The following LMO7 variants were observed in gnomAD, a reference collection of about 807,000 sequenced individuals.
LMO7 encodes LIM domain 7.
LMO7 carries 120 observed loss-of-function variants against 206.5 expected under a neutral mutation model. The ratio of observed to expected loss-of-function variants is 0.58; its 90% CI spans 0.50 to 0.68. LMO7 has a LOEUF of 0.68. LMO7 is among the 30% of genes least tolerant of loss of function. The pLI is 0.00. For synonymous variants in LMO7, 706 were observed against 681.5 expected, an observed-to-expected ratio of 1.04 and a Z score of -0.56; for missense variants, 1,959 against 1,957.9, an observed-to-expected ratio of 1.00 and a Z score of -0.01.
rs1407239547 is a variant in LMO7 at position 75,823,576 on chromosome 13, T to C, written c.2652T>C (p.Ala884=). The C allele has an allele frequency of 6.2e-7, 1 of 1,606,814 alleles. No individual in the cohort carries two copies. Among genetic ancestry groups the C allele is most frequent in the East Asian group, 2.2e-5 (1 of 44,730 alleles). ...GTTTTCTTATTTAGATGGATGATGC[T>C]TGGAAGTATAATGGAGATGTTGAAG... ...SLPRSYTMDD[A]WKYNGDVEDI... The change falls in exon 15 of 31, where the codon GCT becomes GCC. Residue 884 remains alanine (A), a synonymous_variant. Coordinates refer to ENST00000377534, the MANE Select transcript of LMO7 (RefSeq NM_001306080.2).
At chr13:75,786,547 T>G (rs1043215780) in intron 4 of LMO7, among the ~76,000 whole-genome samples, 17 of 151,816 alleles carry the variant, frequency 1.1e-4, no homozygotes, top group South Asian at 4.2e-4. Context: ...GCTAATTTTT[T>G]TTTGTTTGTT....
intron 1 of LMO7, among the ~76,000 whole-genome samples, chr13:75,643,388 G>A (rs191006309): frequency 5.3e-5 from 8 of 152,308 alleles, no homozygotes; most frequent in South Asian, 4.1e-4. Flanking sequence ...AGGTGAACTC[G>A]TTCTTCTAGT....
chr13:75,627,390 A>C (rs537954716), intron 2 of LMO7: 4 of 152,328 alleles, frequency 2.6e-5, no homozygotes, highest in Admixed American at 1.3e-4. Context: ...TTAAATACTT[A>C]ACAATATTTT....
At chr13:75,755,634 T>C (rs1041853251) in intron 3 of LMO7, among the ~76,000 whole-genome samples, 9 of 152,210 alleles carry the variant, frequency 5.9e-5, no homozygotes, top group African/African-American at 1.9e-4. Flanking sequence ...CAAACCTAAC[T>C]TACTACTAGC....
chr13:75,745,627 T>A (rs1053376999), intron 3 of LMO7, among the ~76,000 whole-genome samples: 2 of 152,138 alleles, frequency 1.3e-5, no homozygotes, highest in African/African-American at 4.8e-5. Flanking sequence ...TGTTATTGTA[T>A]GAGATTAACA....
At chr13:75,710,251 C>A (rs2042986506) in intron 1 of LMO7, among the ~76,000 whole-genome samples, 1 of 152,106 alleles carries the variant, frequency 6.6e-6, no homozygotes. Flanking sequence ...CAGCTTTTTT[C>A]TTTTGGCTTA....
intron 1 of LMO7, among the ~76,000 whole-genome samples, chr13:75,622,942 G>T (rs1237257481): frequency 2.0e-5 from 3 of 152,074 alleles, no homozygotes; most frequent in Non-Finnish European, 4.4e-5. Flanking sequence ...AAATTATTTT[G>T]TTGAAGAAAC....
At chr13:75,826,730 G>A (rs1238521778) in intron 15 of LMO7, among the ~76,000 whole-genome samples, 1 of 152,140 alleles carries the variant, frequency 6.6e-6, no homozygotes, top group Non-Finnish European at 1.5e-5. Context: ...CATAAAAATT[G>A]AGGCATGGCA....
intron 2 of LMO7, chr13:75,623,397 T>C: frequency 1.2e-6 from 1 of 801,382 alleles, no homozygotes; most frequent in South Asian, 1.4e-5. Flanking sequence ...GGAGTCTTGC[T>C]CTGTTGCCCA....
chr13:75,689,894 G>T (rs557973687), intron 1 of LMO7, among the ~76,000 whole-genome samples: 2 of 152,204 alleles, frequency 1.3e-5, no homozygotes, highest in Non-Finnish European at 2.9e-5. Flanking sequence ...ACTTGACCTT[G>T]TGATCCTGTG....
At chr13:75,817,111 A>G (rs1378437151) in intron 11 of LMO7, 50 bp from the exon 12 acceptor site, 2 of 1,340,364 alleles carry the variant, frequency 1.5e-6, no homozygotes, top group Non-Finnish European at 1.1e-6. Context: ...TTTAACCCCT[A>G]AGTCTGGTCA....
chr13:75,684,953 G>T (rs1338515468), intron 1 of LMO7, among the ~76,000 whole-genome samples: 3 of 152,064 alleles, frequency 2.0e-5, no homozygotes, highest in Admixed American at 6.6e-5. Context: ...TTAGATAATT[G>T]TAGCGGCCCC....
intron 4 of LMO7, among the ~76,000 whole-genome samples, chr13:75,766,598 G>A (rs1005458809): frequency 2.0e-5 from 3 of 152,130 alleles, no homozygotes; most frequent in African/African-American, 7.2e-5. Context: ...AATACATTAT[G>A]TAAAGATAAA....
chr13:75,842,593 C>A (rs56915688), intron 24 of LMO7, among the ~76,000 whole-genome samples: 1,766 of 152,098 alleles, frequency 0.012, 34 homozygotes, highest in East Asian at 0.095. Context: ...CTCCTATAGC[C>A]CATTCTTAGA....
intron 12 of LMO7, 200 bp from the exon 13 acceptor site, chr13:75,819,193 G>A: frequency 2.1e-6 from 1 of 480,586 alleles, no homozygotes; most frequent in Non-Finnish European, 3.6e-6. Flanking sequence ...TATCTTATTA[G>A]GTCAGGTTTT....
rs1217719475 is a variant in LMO7, at chr13:75,705,097, C to CGCCCTTCAA, written c.70-8077_70-8076insAGCCCTTCA. ...GGAATATGCCCTCGGGAGGCCGCTC[C>CGCCCTTCAA]GCCCTTCATATGCTCGGGTAGGCTA... On this transcript the variant is annotated intron_variant, in intron 1 of 30. Coordinates refer to ENST00000377534, the MANE Select transcript of LMO7 (RefSeq NM_001306080.2). 9.2e-5 allele frequency among the ~76,000 whole-genome samples: 14 copies of CGCCCTTCAA among 152,268 alleles called. No homozygotes were observed. The East Asian group carries it at 1.9e-3, about 21-fold the overall frequency.
intron 4 of LMO7, among the ~76,000 whole-genome samples, chr13:75,768,507 A>G (rs1034192729): frequency 6.6e-6 from 1 of 151,976 alleles, no homozygotes; most frequent in African/African-American, 2.4e-5. Flanking sequence ...TTCTTTCTGT[A>G]TTTTCTAAAA....
intron 14 of LMO7, among the ~76,000 whole-genome samples, chr13:75,822,612 TG>T (rs1367303302): frequency 6.6e-6 from 1 of 151,672 alleles, no homozygotes; most frequent in Non-Finnish European, 1.5e-5. Flanking sequence ...TCAGCTTCCC[TG>T]GAGCAAGAAT....
intron 6 of LMO7, among the ~76,000 whole-genome samples, chr13:75,798,404 G>T (rs541578369): frequency 5.0e-4 from 76 of 152,274 alleles, no homozygotes; most frequent in Non-Finnish European, 9.6e-4. Flanking sequence ...ATGTACTAGG[G>T]CTGTCTTTGT....
Sources: allele counts gnomAD v4.1 joint callset (sites outside exome capture counted in the v4.1 genomes callset), GRCh38; gene constraint gnomAD v4.1.1; transcripts MANE v1.5; gene names NCBI Gene and HGNC (gene_info 2026-07-23, HGNC 2026-07-21).